The following NWD2 variants were observed in gnomAD, a reference collection of about 807,000 sequenced individuals.
NWD2 encodes NACHT and WD repeat domain containing 2, also known as NACHT and WD repeat domain-containing protein 2.
Under a neutral mutation model 132.7 loss-of-function variants are expected in NWD2, and 37 were observed. The observed-to-expected ratio is 0.28, with a 90% CI of 0.21 to 0.37. The LOEUF (loss-of-function observed/expected upper bound fraction) is 0.37, where lower values mean the gene tolerates loss of function less well. Ranked by LOEUF, NWD2 falls within the 10% of genes least tolerant of loss-of-function variation. The pLI is 1.00. For missense variants in NWD2, 1,592 were observed against 2,122.4 expected (o/e 0.75, Z 4.91); for synonymous variants, 705 against 803.0 (o/e 0.88, Z 2.06).
intron 3 of NWD2, among the ~76,000 whole-genome samples, chr4:37,410,079 T>G (rs1379134991): frequency 6.6e-6 from 1 of 152,158 alleles, no homozygotes; most frequent in Non-Finnish European, 1.5e-5. Context: ...ACATCAACAC[T>G]GTGAAGAAAC....
intron 3 of NWD2, among the ~76,000 whole-genome samples, chr4:37,423,680 C>T (rs1711895661): frequency 6.6e-6 from 1 of 152,216 alleles, no homozygotes; most frequent in Admixed American, 6.5e-5. Flanking sequence ...ATCTGCTTTA[C>T]TCAGTCTACC....
chr4:37,319,715 T>C (rs1719030544), intron 1 of NWD2, among the ~76,000 whole-genome samples: 1 of 152,206 alleles, frequency 6.6e-6, no homozygotes, highest in Non-Finnish European at 1.5e-5. Context: ...CCCAGTACCA[T>C]TTATTGAATA....
At chr4:37,394,967 C>G (rs1401844413) in intron 3 of NWD2, among the ~76,000 whole-genome samples, 1 of 109,674 alleles carries the variant, frequency 9.1e-6, no homozygotes, top group African/African-American at 3.3e-5. Context: ...TGCACACCAC[C>G]ATGCCCAGCT....
chr4:37,437,553 T>C (rs973412655), intron 5 of NWD2, among the ~76,000 whole-genome samples: 2 of 152,118 alleles, frequency 1.3e-5, no homozygotes, highest in Admixed American at 1.3e-4. Flanking sequence ...CACCATTGTA[T>C]CCTAAGCGGC....
At chr4:37,406,154 C>T (rs1720998038) in intron 3 of NWD2, among the ~76,000 whole-genome samples, 1 of 152,046 alleles carries the variant, frequency 6.6e-6, no homozygotes. Context: ...GCAGCAACTG[C>T]AAAACAAAAC....
chr4:37,333,857 A>C (rs1455767554), intron 2 of NWD2, among the ~76,000 whole-genome samples: 2 of 152,092 alleles, frequency 1.3e-5, no homozygotes, highest in Non-Finnish European at 2.9e-5. Context: ...CTATCAGATA[A>C]ACTTAACAAA....
chr4:37,272,403 C>T (rs1412606730), intron 1 of NWD2, among the ~76,000 whole-genome samples: 2 of 151,724 alleles, frequency 1.3e-5, no homozygotes, highest in East Asian at 1.9e-4. Flanking sequence ...AATATACCAT[C>T]GAAGCCACCT....
intron 3 of NWD2, among the ~76,000 whole-genome samples, chr4:37,397,027 C>T (rs1720804731): frequency 1.8e-5 from 1 of 55,516 alleles, no homozygotes; most frequent in South Asian, 7.8e-4. Context: ...GAGTGAAACT[C>T]TGTTGCAAAA....
intron 3 of NWD2, among the ~76,000 whole-genome samples, chr4:37,364,816 T>C (rs1420153241): frequency 6.6e-6 from 1 of 151,960 alleles, no homozygotes; most frequent in Non-Finnish European, 1.5e-5. Context: ...CTAAGCCCAG[T>C]ATGCACAAAG....
rs184390286 is a variant in NWD2 at position 37,301,613 on chromosome 4, T to G, written c.152-24323T>G. ...TTAAGCATTCCATTCAATTTTAATTTTAATGTTTTTTTATTTCTAGAGGTT... is the reference window on the plus strand; with the variant it reads ...TTAAGCATTCCATTCAATTTTAATTGTAATGTTTTTTTATTTCTAGAGGTT... On this transcript the variant is annotated intron_variant, in intron 1 of 6. Coordinates refer to ENST00000309447, the MANE Select transcript of NWD2 (RefSeq NM_001144990.2). Among the ~76,000 whole-genome samples, 749 of 152,186 alleles carry G rather than the reference T, an allele frequency of 4.9e-3. 4 individuals are homozygous for G. Among genetic ancestry groups the G allele is most frequent in the African/African-American group, 0.017 (697 of 41,576 alleles).
intron 1 of NWD2, among the ~76,000 whole-genome samples, chr4:37,248,665 A>G (rs1717292463): frequency 6.6e-6 from 1 of 152,216 alleles, no homozygotes; most frequent in Non-Finnish European, 1.5e-5. Flanking sequence ...TAGCCTAAAT[A>G]GTCCATGCAT....
Position 37,315,992 on chromosome 4 carries a change from G to A in NWD2, c.152-9944G>A, listed in dbSNP as rs182370577. 4.3e-3 allele frequency among the ~76,000 whole-genome samples: 656 copies of A among 151,910 alleles called. 3 individuals carry two copies. Among genetic ancestry groups the A allele is most frequent in the African/African-American group, 0.015 (608 of 41,472 alleles). The stretch of plus-strand genomic sequence containing the variant: ...CCTTTGTTTTATTATTGTCATATAT[G>A]TATTATGTGTATGTTAAAATCCAAA... On this transcript the variant is annotated intron_variant, in intron 1 of 6. Transcript: ENST00000309447.
chr4:37,421,755 A>C (rs1376613953), intron 3 of NWD2, among the ~76,000 whole-genome samples: 1 of 152,230 alleles, frequency 6.6e-6, no homozygotes, highest in Non-Finnish European at 1.5e-5. Flanking sequence ...TATGTTGACA[A>C]AATCACATTC....
chr4:37,394,235 T>C (rs1720734963), intron 3 of NWD2, among the ~76,000 whole-genome samples: 1 of 152,252 alleles, frequency 6.6e-6, no homozygotes, highest in Non-Finnish European at 1.5e-5. Flanking sequence ...ATCGTAAGAT[T>C]CTTCTTTGCC....
chr4:37,382,520 T>A (rs984497124), intron 3 of NWD2, among the ~76,000 whole-genome samples: 1 of 152,048 alleles, frequency 6.6e-6, no homozygotes, highest in Non-Finnish European at 1.5e-5. Context: ...AGCATCAAAT[T>A]TTATTTGAGA....
intron 1 of NWD2, among the ~76,000 whole-genome samples, chr4:37,280,706 G>C (rs898584367): frequency 2.6e-5 from 4 of 152,078 alleles, no homozygotes; most frequent in Non-Finnish European, 4.4e-5. Context: ...AGCCCTGAGA[G>C]GAATAGAAAG....
chr4:37,397,812 T>TTTCTCC (rs1720828509), intron 3 of NWD2, among the ~76,000 whole-genome samples: 1 of 152,020 alleles, frequency 6.6e-6, no homozygotes, highest in South Asian at 2.1e-4. Context: ...TCTCTCTCTC[T>TTTCTCC]TTCTCCCTCC....
At chr4:37,308,986 T>C (rs1627193) in intron 1 of NWD2, among the ~76,000 whole-genome samples, 11,052 of 152,158 alleles carry the variant, frequency 0.073, 1,239 homozygotes, top group African/African-American at 0.24. Flanking sequence ...GCAGCAGACA[T>C]CAGATAAGAC....
At chr4:37,357,225 T>C (rs530071571) in intron 3 of NWD2, among the ~76,000 whole-genome samples, 6 of 150,304 alleles carry the variant, frequency 4.0e-5, no homozygotes, top group African/African-American at 1.4e-4. Context: ...CCTTTGAACA[T>C]AGGTTGCTCT....
Sources: allele counts gnomAD v4.1 joint callset (sites outside exome capture counted in the v4.1 genomes callset), GRCh38; gene constraint gnomAD v4.1.1; transcripts MANE v1.5; gene names NCBI Gene and HGNC (gene_info 2026-07-23, HGNC 2026-07-21).